C8orf34: variants seen among roughly 807,000 people sequenced by gnomAD.
C8orf34 encodes uncharacterized protein C8orf34.
C8orf34 carries 65 observed loss-of-function variants against 68.3 expected under a neutral mutation model. That is an observed-to-expected ratio of 0.95 (90% CI 0.78 to 1.17). The LOEUF is 1.17. Among genes scored for constraint, C8orf34 ranks in the 50% most tolerant of loss-of-function variants. The probability of loss-of-function intolerance (pLI) is 0.00; values close to 1 mark genes in which losing one functional copy is unlikely to be tolerated. For missense variants in C8orf34, 664 were observed against 655.4 expected (o/e 1.01, Z -0.14); for synonymous variants, 244 against 241.2 (o/e 1.01, Z -0.11).
At chr8:68,660,670 T>G (rs1452132414) in intron 8 of C8orf34, among the ~76,000 whole-genome samples, 2 of 152,140 alleles carry the variant, frequency 1.3e-5, no homozygotes, top group East Asian at 3.9e-4. Context: ...TTTTTAGGGC[T>G]TCAAGCCAAA....
chr8:68,770,223 G>A (rs968488429), intron 10 of C8orf34, among the ~76,000 whole-genome samples: 2 of 152,042 alleles, frequency 1.3e-5, no homozygotes, highest in African/African-American at 4.8e-5. Flanking sequence ...TGGTTCTATT[G>A]TCAATACCTC....
At chr8:68,615,268 G>A (rs1199759636) in intron 7 of C8orf34, among the ~76,000 whole-genome samples, 10 of 150,394 alleles carry the variant, frequency 6.6e-5, no homozygotes, top group Non-Finnish European at 1.5e-4. Flanking sequence ...TTTCCTAATT[G>A]AATACCCTTT....
intron 10 of C8orf34, among the ~76,000 whole-genome samples, chr8:68,732,084 G>A (rs1165219396): frequency 6.6e-6 from 1 of 152,200 alleles, no homozygotes; most frequent in Non-Finnish European, 1.5e-5. Flanking sequence ...TGAGATTTGA[G>A]GCTTGAGAGT....
At chr8:68,660,330 A>T (rs184912632) in intron 8 of C8orf34, among the ~76,000 whole-genome samples, 124 of 152,310 alleles carry the variant, frequency 8.1e-4, no homozygotes, top group Non-Finnish European at 1.4e-3. Flanking sequence ...GAGAAAGAAG[A>T]AATGTCCATC....
intron 8 of C8orf34, among the ~76,000 whole-genome samples, chr8:68,673,236 A>T (rs528054647): frequency 8.6e-5 from 13 of 151,990 alleles, no homozygotes; most frequent in Non-Finnish European, 1.6e-4. Context: ...TACTTAAGAA[A>T]AGGAGAGGGA....
At chr8:68,424,718 G>A (rs1810133326) in intron 1 of C8orf34, among the ~76,000 whole-genome samples, 1 of 152,076 alleles carries the variant, frequency 6.6e-6, no homozygotes, top group South Asian at 2.1e-4. Context: ...GGCTAACACG[G>A]TGTAACCCTG....
intron 4 of C8orf34, among the ~76,000 whole-genome samples, chr8:68,478,847 A>ACG (rs1812736159): frequency 6.6e-6 from 1 of 151,600 alleles, no homozygotes; most frequent in African/African-American, 2.4e-5. Flanking sequence ...TTGCCAACGT[A>ACG]TAAGGATTAC....
intron 1 of C8orf34, among the ~76,000 whole-genome samples, chr8:68,386,978 A>G (rs1808288584): frequency 6.6e-6 from 1 of 152,010 alleles, no homozygotes; most frequent in African/African-American, 2.4e-5. Context: ...AGGGAAAGGC[A>G]TTAAGTTTCT....
chr8:68,481,719 C>T (rs957343767), intron 4 of C8orf34, among the ~76,000 whole-genome samples: 2 of 152,078 alleles, frequency 1.3e-5, no homozygotes, highest in African/African-American at 4.8e-5. Context: ...CCCTGTAAGC[C>T]CTTTGTTTTG....
At chr8:68,678,214 T>C (rs1820252076) in intron 8 of C8orf34, among the ~76,000 whole-genome samples, 1 of 121,688 alleles carries the variant, frequency 8.2e-6, no homozygotes, top group South Asian at 3.1e-4. Context: ...ACTCATTCTA[T>C]GGTCCATATT....
chr8:68,815,922 C>T lies in C8orf34; in HGVS notation c.1586C>T (p.Ser529Phe). The T allele has an allele frequency of 6.2e-7, 1 of 1,613,794 alleles. No individual in the cohort carries two copies. Among genetic ancestry groups the T allele is most frequent in the South Asian group, 1.1e-5 (1 of 91,074 alleles). ...ADLLLCVPCS[S>F]CPTLVYSGL is the part of the protein sequence containing the mutation. The stretch of plus-strand genomic sequence containing the variant: ...CTTCTTCTTTGCGTTCCATGCTCTT[C>T]TTGTCCTACGCTGGTCTACTCTGGT... The change falls in exon 13 of 14, where the codon TCT becomes TTT. Residue 529 changes from serine (S) to phenylalanine (F), a missense_variant. Coordinates refer to ENST00000518698, the MANE Select transcript of C8orf34 (RefSeq NM_052958.4).
rs1212862939 is a variant in C8orf34 at position 68,376,382 on chromosome 8, G to A, written c.327+45043G>A. On this transcript the variant is annotated intron_variant, in intron 1 of 13. Transcript: ENST00000518698. ...GATGGAAGCTGAGCACAGGATTTGG[G>A]CAAAGGAATAACATAAGAAGAATTC... Among the ~76,000 whole-genome samples the A allele has an allele frequency of 2.6e-5, 4 of 152,042 alleles. No homozygotes were observed. The South Asian group carries it at 8.3e-4, about 32-fold the overall frequency.
chr8:68,461,558 T>A (rs1164967073), intron 3 of C8orf34, among the ~76,000 whole-genome samples: 2 of 152,090 alleles, frequency 1.3e-5, no homozygotes, highest in African/African-American at 4.8e-5. Context: ...CGGGTTACCC[T>A]CAAAGGGGAG....
chr8:68,710,776 AC>A (rs1308333854), intron 9 of C8orf34, among the ~76,000 whole-genome samples: 4 of 152,114 alleles, frequency 2.6e-5, no homozygotes, highest in African/African-American at 7.2e-5. Context: ...TGAATACTTA[AC>A]CAGGTGTTCC....
intron 1 of C8orf34, among the ~76,000 whole-genome samples, chr8:68,388,044 G>T (rs1441409618): frequency 6.6e-6 from 1 of 152,074 alleles, no homozygotes; most frequent in Admixed American, 6.6e-5. Flanking sequence ...ATTGCCTTCT[G>T]TTGTTGGTGG....
At chr8:68,709,158 C>T in intron 9 of C8orf34, 79 bp downstream of exon 9, 2 of 1,062,874 alleles carry the variant, frequency 1.9e-6, no homozygotes, top group Non-Finnish European at 1.4e-6. Context: ...AAAAACTAAA[C>T]CAAACATCTT....
intron 8 of C8orf34, among the ~76,000 whole-genome samples, chr8:68,668,971 T>C (rs1273978667): frequency 1.3e-5 from 2 of 152,136 alleles, no homozygotes; most frequent in Non-Finnish European, 2.9e-5. Flanking sequence ...GCCCAGCCAA[T>C]GACTTGATTT....
At chr8:68,417,300 A>C (rs1414813595) in intron 1 of C8orf34, among the ~76,000 whole-genome samples, 1 of 152,094 alleles carries the variant, frequency 6.6e-6, no homozygotes, top group Non-Finnish European at 1.5e-5. Context: ...TCTCCAGGGA[A>C]CTCATTCTAC....
intron 1 of C8orf34, among the ~76,000 whole-genome samples, chr8:68,351,516 T>C (rs1212685885): frequency 6.6e-6 from 1 of 152,094 alleles, no homozygotes; most frequent in Non-Finnish European, 1.5e-5. Context: ...CTAGCAAAGT[T>C]GTGGAAGTTT....
Sources: gnomAD v4.1 joint callset for allele counts (sites outside exome capture counted in the v4.1 genomes callset) on GRCh38, gnomAD v4.1.1 for gene constraint, MANE v1.5 for transcripts, NCBI Gene and HGNC (gene_info 2026-07-23, HGNC 2026-07-21) for gene names.